The following MPHOSPH8 variants were observed in gnomAD, a reference collection of about 807,000 sequenced individuals.
MPHOSPH8 encodes the protein M-phase phosphoprotein, mpp.
MPHOSPH8 carries 45 observed loss-of-function variants against 87.3 expected under a neutral mutation model. The ratio of observed to expected loss-of-function variants is 0.52; its 90% CI spans 0.41 to 0.66. MPHOSPH8 has a LOEUF of 0.66. Ranked by LOEUF, MPHOSPH8 falls within the 30% of genes least tolerant of loss-of-function variation. The probability of loss-of-function intolerance (pLI) is 0.00; values close to 1 mark genes in which losing one functional copy is unlikely to be tolerated. For synonymous variants in MPHOSPH8, 366 were observed against 376.9 expected, an observed-to-expected ratio of 0.97 and a Z score of 0.33; for missense variants, 883 against 1,020.2, an observed-to-expected ratio of 0.87 and a Z score of 1.83.
chr13:19,643,775 C>T (rs1175135374), intron 2 of MPHOSPH8, among the ~76,000 whole-genome samples: 1 of 152,026 alleles, frequency 6.6e-6, no homozygotes, highest in Non-Finnish European at 1.5e-5. Context: ...CCTGGCGCTC[C>T]CACTCAGGGT....
At position 19,640,966 on chromosome 13, in the gene MPHOSPH8, T is replaced by C. The variant is rs527384941; in HGVS notation, c.214-1149T>C. ...TAATGTTTTAAAAACATTCTAAATATGTATTAATGTAATAGGTGAAGGAAA... is the reference window on the plus strand; with the variant it reads ...TAATGTTTTAAAAACATTCTAAATACGTATTAATGTAATAGGTGAAGGAAA... On this transcript the variant is annotated intron_variant, in intron 1 of 13. Coordinates refer to ENST00000361479, the MANE Select transcript of MPHOSPH8 (RefSeq NM_017520.4). Among the ~76,000 whole-genome samples the C allele has an allele frequency of 5.9e-5, 9 of 152,326 alleles. No individual in the cohort carries two copies. The South Asian group carries it at 1.9e-3, about 32-fold the overall frequency.
Position 19,650,230 on chromosome 13 carries a change from G to C in MPHOSPH8, c.1546G>C (p.Asp516His). The C allele has an allele frequency of 1.2e-6, 2 of 1,614,072 alleles. No individual in the cohort carries two copies. The highest frequency in any genetic ancestry group is 1.7e-6 in the Non-Finnish European group (2 of 1,179,998). ...TGCAGAAGGTGATCAGGAGGTTTTA[G>C]ACAGCGTGTGCCAAGCAGATGAGAA... ...IAAEGDQEVL[D>H]SVCQADENSD... The change falls in exon 5 of 14, where the codon GAC (aspartate) becomes CAC (histidine). Residue 516 changes from aspartate (D) to histidine (H), a missense_variant. By Grantham distance (81) the Asp-to-His change is moderately conservative. Transcript: ENST00000361479.
At chr13:19,671,078 C>A in intron 12 of MPHOSPH8, 128 bp from the exon 13 acceptor site, 1 of 1,464,390 alleles carries the variant, frequency 6.8e-7, no homozygotes, top group Non-Finnish European at 9.0e-7. Context: ...CCTTGGCCTC[C>A]TCCACAACAT....
chr13:19,649,956 G>C (rs1392277225), intron 4 of MPHOSPH8, 47 bp from the exon 5 acceptor site: 1 of 1,434,196 alleles, frequency 7.0e-7, no homozygotes, highest in Non-Finnish European at 9.4e-7. Flanking sequence ...GAATGTAACA[G>C]AAATTTGTGA....
rs759683451 is a variant in MPHOSPH8 at position 19,670,219 on chromosome 13, A to G, written c.2330-17A>G. 2.5e-6 allele frequency: 4 copies of G among 1,613,844 alleles called. No homozygotes were observed. Among genetic ancestry groups the G allele is most frequent in the Non-Finnish European group, 3.4e-6 (4 of 1,179,864 alleles). ...AGGTTGCCTTTGAAGTAATTCACAC[A>G]CATCTCCCATTTTCAGGCTCTGGCA... On this transcript the variant is annotated splice_polypyrimidine_tract_variant and intron_variant, in intron 11 of 13. Transcript: ENST00000361479.
chr13:19,654,254 C>T (rs1175704718), intron 5 of MPHOSPH8, among the ~76,000 whole-genome samples: 1 of 152,142 alleles, frequency 6.6e-6, no homozygotes, highest in East Asian at 1.9e-4. Context: ...TACATGTTCT[C>T]ACTCATAAGT....
intron 2 of MPHOSPH8, among the ~76,000 whole-genome samples, chr13:19,643,088 G>T (rs977632715): frequency 7.2e-5 from 11 of 152,144 alleles, no homozygotes; most frequent in Admixed American, 7.2e-4. Flanking sequence ...TGTCAACATC[G>T]TAGTATTTTT....
At chr13:19,660,889 A>C in intron 7 of MPHOSPH8, 7 of 982,136 alleles carry the variant, frequency 7.1e-6, no homozygotes, top group Non-Finnish European at 7.3e-6. Context: ...TATGCCCCCC[A>C]AAAATTCACT....
rs567483787 is a variant in MPHOSPH8, at chr13:19,641,023, A to G, written c.214-1092A>G. 2.0e-5 allele frequency among the ~76,000 whole-genome samples: 3 copies of G among 152,258 alleles called. No individual in the cohort carries two copies. The East Asian group carries it at 5.8e-4, about 29-fold the overall frequency. ...AAATTGTTTTCAGTATCCATTTATT[A>G]TTTGGTTCTTCCTATCTTTTCTATT... On this transcript the variant is annotated intron_variant, in intron 1 of 13. Transcript: ENST00000361479.
intron 5 of MPHOSPH8, among the ~76,000 whole-genome samples, chr13:19,655,409 A>G (rs1290441738): frequency 1.3e-5 from 2 of 152,210 alleles, no homozygotes; most frequent in Non-Finnish European, 2.9e-5. Flanking sequence ...TCGAGGATGC[A>G]GTGAGCCATG....
chr13:19,646,347 C>A, intron 2 of MPHOSPH8, 96 bp from the exon 3 acceptor site: 1 of 1,089,172 alleles, frequency 9.2e-7, no homozygotes, highest in Non-Finnish European at 1.2e-6. Flanking sequence ...CTGCTTGGAA[C>A]AAAAAATATT....
intron 1 of MPHOSPH8, among the ~76,000 whole-genome samples, chr13:19,638,654 T>C (rs1192729042): frequency 6.6e-6 from 1 of 152,056 alleles, no homozygotes; most frequent in African/African-American, 2.4e-5. Flanking sequence ...TTTTCTGATA[T>C]TTCTTGAGTT....
rs369382546 is a variant in MPHOSPH8 at position 19,668,525 on chromosome 13, C to A, written c.2323C>A (p.Pro775Thr). The A allele has an allele frequency of 5.0e-6, 8 of 1,613,058 alleles. No individual in the cohort carries two copies. The highest frequency in any genetic ancestry group is 5.9e-6 in the Non-Finnish European group (7 of 1,179,648). The change falls in exon 11 of 14, where the codon CCA becomes ACA. Residue 775 changes from proline to threonine, a missense_variant. Physicochemically the swap from Pro to Thr is conservative, Grantham distance 38. This residue lies in a region of MPHOSPH8 where 741 missense variants were observed against 841.5 expected (regional missense o/e 0.88). Coordinates refer to ENST00000361479, the MANE Select transcript of MPHOSPH8 (RefSeq NM_017520.4). ...CAATTACAAACCCCCACAGAACATACCAGAAGGTAAGCCGATGCCTCCCTT... is the reference window on the plus strand; with the variant it reads ...CAATTACAAACCCCCACAGAACATAACAGAAGGTAAGCCGATGCCTCCCTT... The part of the protein sequence containing the change: ...DFNYKPPQNI[P>T]EGSGILLFIF...
At chr13:19,666,652 G>C in intron 10 of MPHOSPH8, 73 bp downstream of exon 10, 1 of 1,397,780 alleles carries the variant, frequency 7.2e-7, no homozygotes, top group Non-Finnish European at 9.7e-7. Context: ...ATTATAATTG[G>C]AGTGGCCTGT....
intron 2 of MPHOSPH8, among the ~76,000 whole-genome samples, chr13:19,642,718 T>C (rs977310727): frequency 6.6e-6 from 1 of 152,064 alleles, no homozygotes; most frequent in Non-Finnish European, 1.5e-5. Context: ...AACTATATAG[T>C]GAAGATATCT....
intron 11 of MPHOSPH8, among the ~76,000 whole-genome samples, chr13:19,668,977 CCT>C (rs1201579054): frequency 2.0e-5 from 3 of 151,984 alleles, no homozygotes; most frequent in Non-Finnish European, 4.4e-5. Flanking sequence ...TGCGGCTGGC[CCT>C]CTCTACACGT....
At chr13:19,660,975 G>A (rs1875493227) in intron 7 of MPHOSPH8, 1 of 984,248 alleles carries the variant, frequency 1.0e-6, no homozygotes. Flanking sequence ...ATACAAAAAT[G>A]AGAGCTGGGC....
At chr13:19,646,275 A>C (rs1874558116) in intron 2 of MPHOSPH8, among the ~76,000 whole-genome samples, 168 bp from the exon 3 acceptor site, 1 of 152,172 alleles carries the variant, frequency 6.6e-6, no homozygotes. Flanking sequence ...CTGTTTGCTG[A>C]GTCAGAGATA....
intron 4 of MPHOSPH8, among the ~76,000 whole-genome samples, chr13:19,649,669 T>C (rs1874740840): frequency 1.3e-5 from 2 of 152,200 alleles, no homozygotes; most frequent in African/African-American, 2.4e-5. Context: ...CTGGTGTCTT[T>C]AGCTGTGGGA....
Sources: gnomAD v4.1 joint callset for allele counts (sites outside exome capture counted in the v4.1 genomes callset) on GRCh38, gnomAD v4.1.1 for gene constraint, gnomAD v4.1.1 regional missense constraint, MANE v1.5 for transcripts, NCBI Gene and HGNC (gene_info 2026-07-23, HGNC 2026-07-21) for gene names.